The following ZGPAT variants were observed in gnomAD, a reference collection of about 807,000 sequenced individuals.
The protein encoded by ZGPAT is zinc finger CCCH-type and G-patch domain containing, also known as zinc finger CCCH-type with G patch domain-containing protein.
A neutral mutation model predicts 47.9 loss-of-function variants in ZGPAT; 39 were observed. The ratio of observed to expected loss-of-function variants is 0.81; its 90% CI spans 0.63 to 1.06. The LOEUF (loss-of-function observed/expected upper bound fraction) is 1.06, where lower values mean the gene tolerates loss of function less well. Among genes scored for constraint, ZGPAT ranks in the 50% least tolerant of loss-of-function variants. The probability of loss-of-function intolerance (pLI) is 0.00; values close to 1 mark genes in which losing one functional copy is unlikely to be tolerated. For synonymous variants in ZGPAT, 348 were observed against 292.9 expected (o/e 1.19, Z -1.92); for missense variants, 717 against 681.4 (o/e 1.05, Z -0.58).
intron 2 of ZGPAT, among the ~76,000 whole-genome samples, chr20:63,710,983 C>G (rs918412538): frequency 6.6e-6 from 1 of 151,644 alleles, no homozygotes; most frequent in Non-Finnish European, 1.5e-5. Context: ...TCAGGCTGAC[C>G]GTGTAACCAT....
intron 4 of ZGPAT, 39 bp downstream of exon 4, chr20:63,733,778 G>A (rs780938225): frequency 6.3e-7 from 1 of 1,580,580 alleles, no homozygotes; most frequent in Non-Finnish European, 8.6e-7. Context: ...CCAGGAAGGT[G>A]GGGTCACCCT....
intron 2 of ZGPAT, among the ~76,000 whole-genome samples, chr20:63,716,156 A>C (rs1485247118): frequency 1.3e-5 from 2 of 152,096 alleles, no homozygotes; most frequent in Admixed American, 1.3e-4. Flanking sequence ...CAGCCTCCCC[A>C]GTATCTCGGA....
intron 2 of ZGPAT, among the ~76,000 whole-genome samples, chr20:63,717,332 C>CTTTTTTTTTTT (rs1173734420): frequency 0.015 from 912 of 61,116 alleles, 16 homozygotes; most frequent in Middle Eastern, 0.071. Flanking sequence ...TTTTTCTTTT[C>CTTTTTTTTTTT]TTTTTTTTTT....
intron 2 of ZGPAT, among the ~76,000 whole-genome samples, chr20:63,715,495 T>C (rs2091718029): frequency 4.6e-5 from 7 of 152,120 alleles, no homozygotes; most frequent in Admixed American, 4.6e-4. Flanking sequence ...CACCTTGGCC[T>C]CCCGAAGTGC....
intron 2 of ZGPAT, among the ~76,000 whole-genome samples, chr20:63,731,681 T>C (rs1265163950): frequency 2.6e-5 from 4 of 151,362 alleles, no homozygotes; most frequent in Non-Finnish European, 4.4e-5. Context: ...TGTGTGCATA[T>C]GTGTGTAAAG....
intron 2 of ZGPAT, among the ~76,000 whole-genome samples, chr20:63,716,076 C>A (rs1447695086): frequency 6.6e-6 from 1 of 152,210 alleles, no homozygotes; most frequent in African/African-American, 2.4e-5. Flanking sequence ...GTCGCCCAGG[C>A]TGGAGTGCAG....
In ZGPAT at chr20:63,735,474, G is replaced by C. The variant is rs758086425; in HGVS notation, c.1307G>C (p.Ser436Thr). 4 of 1,555,682 alleles carry C rather than the reference G, an allele frequency of 2.6e-6. No individual in the cohort carries two copies. The East Asian group carries it at 9.0e-5, about 35-fold the overall frequency. ...HASKSAKRAL[S>T]LRLFQTEEKI... ...AGCAAGAGTGCCAAGCGGGCCCTGA[G>C]CCTGCGGCTCTTCCAGACTGAGGAG... The change falls in exon 6 of 7, where the codon AGC becomes ACC. Residue 436 changes from serine to threonine, a missense_variant. Transcript: ENST00000355969.
intron 4 of ZGPAT, 167 bp downstream of exon 4, chr20:63,733,906 G>C: frequency 1.2e-6 from 1 of 854,576 alleles, no homozygotes; most frequent in South Asian, 1.8e-5. Context: ...GTAGATCCGT[G>C]GCGGCCTTTA....
intron 2 of ZGPAT, among the ~76,000 whole-genome samples, chr20:63,710,454 G>A (rs945751032): frequency 6.6e-6 from 1 of 152,202 alleles, no homozygotes; most frequent in Non-Finnish European, 1.5e-5. Flanking sequence ...GCCTGGCCCT[G>A]TTGTTAGTTT....
At chr20:63,712,182 A>G (rs1322279784) in intron 2 of ZGPAT, among the ~76,000 whole-genome samples, 1 of 152,124 alleles carries the variant, frequency 6.6e-6, no homozygotes, top group Non-Finnish European at 1.5e-5. Context: ...ATTTTTGTAT[A>G]TGTTATTAGG....
At chr20:63,723,559 A>G (rs1601331311) in intron 2 of ZGPAT, among the ~76,000 whole-genome samples, 1 of 100,866 alleles carries the variant, frequency 9.9e-6, no homozygotes, top group Non-Finnish European at 2.0e-5. Flanking sequence ...TTCTCCTCTG[A>G]CATAGCTCCA....
intron 2 of ZGPAT, among the ~76,000 whole-genome samples, chr20:63,728,455 C>G (rs896070616): frequency 1.3e-5 from 2 of 152,224 alleles, no homozygotes; most frequent in Non-Finnish European, 2.9e-5. Context: ...AAAAGGCTCC[C>G]CACCACACCA....
At position 63,735,316 on chromosome 20, in the gene ZGPAT, C is replaced by T. The variant is rs2091972918; in HGVS notation, c.1149C>T (p.Ala383=). Residue 383 remains alanine (A), a synonymous_variant, in exon 6 of 7, where the codon GCC becomes GCT. Coordinates refer to ENST00000355969, the MANE Select transcript of ZGPAT (RefSeq NM_181485.3). ...CCCCCAGGTGCCGGGGAAGAGGGGCCAGGCCTGGGGGCCGCCCAGCTCCTC... is the reference window on the plus strand; with the variant it reads ...CCCCCAGGTGCCGGGGAAGAGGGGCTAGGCCTGGGGGCCGCCCAGCTCCTC... The part of the protein sequence containing the change: ...NKPPRCRGRG[A]RPGGRPAPRN... 1 of 1,589,934 alleles carries T rather than the reference C, an allele frequency of 6.3e-7. No individual in the cohort carries two copies. Among genetic ancestry groups the T allele is most frequent in the Non-Finnish European group, 8.6e-7 (1 of 1,169,346 alleles).
At chr20:63,720,544 C>G (rs1033133392) in intron 2 of ZGPAT, among the ~76,000 whole-genome samples, 2 of 152,088 alleles carry the variant, frequency 1.3e-5, no homozygotes, top group African/African-American at 4.8e-5. Flanking sequence ...CTTAACCGTC[C>G]AGGCTTAAGT....
chr20:63,722,466 C>T lies in ZGPAT; in HGVS notation c.585-10753C>T, dbSNP rs183850545. ...CAGAATAGTTGCTTTGCTGGAGAGACGGATCTTTGGAGCTGCCAACTCCAT... is the reference window on the plus strand; with the variant it reads ...CAGAATAGTTGCTTTGCTGGAGAGATGGATCTTTGGAGCTGCCAACTCCAT... On this transcript the variant is annotated intron_variant, in intron 2 of 6. Transcript: ENST00000355969. Among the ~76,000 whole-genome samples the T allele has an allele frequency of 5.3e-3, 810 of 152,250 alleles. 4 individuals are homozygous for T. Among genetic ancestry groups the T allele is most frequent in the Middle Eastern group, 0.02 (6 of 294 alleles).
intron 2 of ZGPAT, among the ~76,000 whole-genome samples, chr20:63,718,415 C>T (rs1381517039): frequency 6.6e-6 from 1 of 151,912 alleles, no homozygotes; most frequent in East Asian, 1.9e-4. Context: ...TCACTGCAAC[C>T]TCTGCCTCCC....
At position 63,736,090 on chromosome 20, in the gene ZGPAT, T is replaced by G. The variant is rs1389361008; in HGVS notation, c.*171T>G. 1 of 893,556 alleles carries G rather than the reference T, an allele frequency of 1.1e-6. No homozygotes were observed. Among genetic ancestry groups the G allele is most frequent in the Middle Eastern group, 2.6e-4 (1 of 3,782 alleles). 55.4% of individuals were successfully genotyped at this position (893,556 alleles called of 1,614,324 possible). On this transcript the variant is annotated 3_prime_UTR_variant, in exon 7 of 7. Coordinates refer to ENST00000355969, the MANE Select transcript of ZGPAT (RefSeq NM_181485.3). ...GGACACTTACTTGCCCACCTGCCAG[T>G]GTCTTGGGCATTTCCTTGGCAAGGA...
chr20:63,732,726 ATGTGTATG>A (rs1206841535), intron 2 of ZGPAT, among the ~76,000 whole-genome samples: 14 of 148,936 alleles, frequency 9.4e-5, no homozygotes, highest in Non-Finnish European at 1.6e-4. Context: ...GTATGTGTAT[ATGTGTATG>A]TCTGTATATG....
At chr20:63,716,448 T>C (rs1447978972) in intron 2 of ZGPAT, among the ~76,000 whole-genome samples, 1 of 152,242 alleles carries the variant, frequency 6.6e-6, no homozygotes, top group African/African-American at 2.4e-5. Context: ...TAGTTATTTC[T>C]GTAAGATCAG....
Sources: allele counts gnomAD v4.1 joint callset (sites outside exome capture counted in the v4.1 genomes callset), GRCh38; gene constraint gnomAD v4.1.1; transcripts MANE v1.5; gene names NCBI Gene and HGNC (gene_info 2026-07-23, HGNC 2026-07-21).